Variants in SORCS3 observed in about 807,000 individuals in gnomAD.
The protein encoded by SORCS3 is sortilin related VPS10 domain containing receptor 3.
SORCS3 carries 57 observed loss-of-function variants against 146.3 expected under a neutral mutation model. The observed-to-expected ratio is 0.39, with a 90% CI of 0.31 to 0.49. The LOEUF is 0.49. Ranked by LOEUF, SORCS3 falls within the 20% of genes least tolerant of loss-of-function variation. The pLI is 0.92. For missense variants in SORCS3, 1,341 were observed against 1,575.5 expected (o/e 0.85, Z 2.52); for synonymous variants, 653 against 618.5 (o/e 1.06, Z -0.83).
chr10:104,720,213 G>A (rs1390241217), intron 1 of SORCS3, among the ~76,000 whole-genome samples: 1 of 151,858 alleles, frequency 6.6e-6, no homozygotes, highest in East Asian at 1.9e-4. Flanking sequence ...ACCTATGAGT[G>A]AGAAAATGCG....
chr10:105,209,299 C>CCGAGA (rs746225900), intron 16 of SORCS3, among the ~76,000 whole-genome samples: 19 of 152,026 alleles, frequency 1.2e-4, no homozygotes, highest in Admixed American at 1.3e-4. Context: ...TGCCACCATG[C>CCGAGA]CTGGTGAATT....
In SORCS3 at chr10:105,045,493, T is replaced by G. The variant is rs538359989; in HGVS notation, c.1028+2365T>G. ...CGCGATTATTCTTTTAGGTGTCGTG[T>G]GAGTCATGGCAAAAGAGCTTATTTT... is the stretch of plus-strand genomic sequence containing the variant. On this transcript the variant is annotated intron_variant, in intron 5 of 26. Coordinates refer to ENST00000369701, the MANE Select transcript of SORCS3 (RefSeq NM_014978.3). Among the ~76,000 whole-genome samples, 5 of 152,180 alleles carry G rather than the reference T, an allele frequency of 3.3e-5. No individual in the cohort carries two copies. The South Asian group carries it at 6.2e-4, about 19-fold the overall frequency.
At chr10:104,737,197 G>T (rs2016784400) in intron 1 of SORCS3, among the ~76,000 whole-genome samples, 1 of 152,174 alleles carries the variant, frequency 6.6e-6, no homozygotes, top group African/African-American at 2.4e-5. Flanking sequence ...ATTTGGGTTG[G>T]TTCCAAGTCT....
intron 1 of SORCS3, among the ~76,000 whole-genome samples, chr10:104,815,114 G>C (rs2017782475): frequency 6.6e-6 from 1 of 152,154 alleles, no homozygotes; most frequent in African/African-American, 2.4e-5. Context: ...CTGCTGTTCT[G>C]TCAGTGAAAC....
intron 20 of SORCS3, among the ~76,000 whole-genome samples, chr10:105,238,515 G>T (rs1296719689): frequency 6.6e-6 from 1 of 152,132 alleles, no homozygotes; most frequent in Non-Finnish European, 1.5e-5. Context: ...ATTTTTGTGT[G>T]GAGGTCAGGC....
chr10:104,915,572 C>T (rs1589547983), intron 2 of SORCS3, among the ~76,000 whole-genome samples: 1 of 152,106 alleles, frequency 6.6e-6, no homozygotes, highest in East Asian at 1.9e-4. Flanking sequence ...TCCAGCAGCT[C>T]CTTTCACCAA....
intron 3 of SORCS3, among the ~76,000 whole-genome samples, chr10:104,927,747 G>A (rs372089424): frequency 5.3e-5 from 8 of 152,036 alleles, no homozygotes; most frequent in Admixed American, 3.9e-4. Flanking sequence ...GCGTGGTGGC[G>A]GGTGTCTGTA....
chr10:104,807,199 A>ATG (rs140889675), intron 1 of SORCS3, among the ~76,000 whole-genome samples: 1 of 151,278 alleles, frequency 6.6e-6, no homozygotes. Flanking sequence ...GTGTGTGCGC[A>ATG]TGTGTGTGTG....
At chr10:104,893,553 A>G (rs17078) in intron 2 of SORCS3, among the ~76,000 whole-genome samples, 33,543 of 152,120 alleles carry the variant, frequency 0.22, 4,114 homozygotes, top group African/African-American at 0.3. Context: ...TTTCTGACAG[A>G]TGACAAGCCT....
intron 4 of SORCS3, among the ~76,000 whole-genome samples, chr10:104,977,796 A>G (rs886488409): frequency 1.5e-5 from 2 of 137,164 alleles, no homozygotes; most frequent in Admixed American, 1.7e-4. Flanking sequence ...CAGTGGCGCG[A>G]TCTTGGCTCA....
At chr10:104,919,625 G>T (rs1270019093) in intron 3 of SORCS3, among the ~76,000 whole-genome samples, 3 of 152,094 alleles carry the variant, frequency 2.0e-5, no homozygotes, top group Non-Finnish European at 4.4e-5. Flanking sequence ...GGAGGTGGAG[G>T]TTGCGGTGAG....
intron 1 of SORCS3, among the ~76,000 whole-genome samples, chr10:104,823,689 A>G (rs2017901611): frequency 6.6e-6 from 1 of 152,110 alleles, no homozygotes; most frequent in Non-Finnish European, 1.5e-5. Context: ...TCAAGTCAAA[A>G]CTCTTTAACT....
chr10:104,852,680 C>G (rs571672518), intron 2 of SORCS3, among the ~76,000 whole-genome samples: 7 of 152,140 alleles, frequency 4.6e-5, no homozygotes, highest in African/African-American at 1.7e-4. Context: ...CACAGCATAC[C>G]ACCTTTCCCT....
At chr10:104,701,970 A>T (rs2016283747) in intron 1 of SORCS3, among the ~76,000 whole-genome samples, 1 of 152,102 alleles carries the variant, frequency 6.6e-6, no homozygotes. Context: ...CATATTGTAA[A>T]TATTTTGGTT....
At chr10:105,153,553 A>G (rs1257296326) in intron 9 of SORCS3, among the ~76,000 whole-genome samples, 3 of 152,146 alleles carry the variant, frequency 2.0e-5, no homozygotes, top group Non-Finnish European at 4.4e-5. Context: ...CATTTCCACC[A>G]GCAAGGTATG....
chr10:104,747,705 C>A (rs1051681704), intron 1 of SORCS3, among the ~76,000 whole-genome samples: 1 of 152,190 alleles, frequency 6.6e-6, no homozygotes, highest in African/African-American at 2.4e-5. Context: ...TTAAGAGAGA[C>A]ACTGCTCGGA....
chr10:104,641,346 G>C lies in SORCS3; in HGVS notation c.19G>C (p.Glu7Gln), dbSNP rs1417694980. 1 of 1,361,336 alleles carries C rather than the reference G, an allele frequency of 7.3e-7. No homozygotes were observed. Among genetic ancestry groups the C allele is most frequent in the Non-Finnish European group, 9.4e-7 (1 of 1,061,736 alleles). 84.3% of individuals were successfully genotyped at this position (1,361,336 alleles called of 1,614,324 possible). MEAART[E>Q]RPAGRPGAPL... ...CAGCGGGATGGAGGCGGCGCGCACG[G>C]AGCGCCCCGCAGGCAGGCCGGGGGC... Residue 7 changes from glutamate (E) to glutamine (Q), a missense_variant, in exon 1 of 27, where the codon GAG becomes CAG. Physicochemically the swap from Glu to Gln is conservative, Grantham distance 29 (BLOSUM62 2). Coordinates refer to ENST00000369701, the MANE Select transcript of SORCS3 (RefSeq NM_014978.3). This position sits in a 1 kb window ranked among gnomAD's most constrained non-coding sequence, Gnocchi z 6.4.
At chr10:105,071,167 C>T (rs1023810707) in intron 5 of SORCS3, among the ~76,000 whole-genome samples, 64 of 151,620 alleles carry the variant, frequency 4.2e-4, no homozygotes, top group African/African-American at 1.5e-3. Flanking sequence ...AGCATCATTC[C>T]TCTCTGTGCC....
chr10:104,659,866 C>T (rs1209608909), intron 1 of SORCS3, among the ~76,000 whole-genome samples: 1 of 152,158 alleles, frequency 6.6e-6, no homozygotes, highest in Non-Finnish European at 1.5e-5. Context: ...CTTTCACTCT[C>T]CTGTGAGGGT....
Sources: allele counts gnomAD v4.1 joint callset (sites outside exome capture counted in the v4.1 genomes callset), GRCh38; gene constraint gnomAD v4.1.1; non-coding constraint Gnocchi (gnomAD v3.1); transcripts MANE v1.5; gene names NCBI Gene and HGNC (gene_info 2026-07-23, HGNC 2026-07-21).